Variants in EGFR observed in about 807,000 individuals in gnomAD.
EGFR encodes epidermal growth factor receptor, also known as avian erythroblastic leukemia viral (v-erb-b) oncogene homolog.
EGFR carries 58 observed loss-of-function variants against 143.0 expected under a neutral mutation model. That is an observed-to-expected ratio of 0.41 (90% CI 0.33 to 0.50). The LOEUF (loss-of-function observed/expected upper bound fraction) is 0.50. Among genes scored for constraint, EGFR ranks in the 20% least tolerant of loss-of-function variants. The probability of loss-of-function intolerance (pLI) is 0.39; values close to 1 mark genes in which losing one functional copy is unlikely to be tolerated. For synonymous variants in EGFR, 613 were observed against 594.4 expected (o/e 1.03, Z -0.45); for missense variants, 1,307 against 1,579.0 (o/e 0.83, Z 2.92).
intron 1 of EGFR, among the ~76,000 whole-genome samples, chr7:55,136,606 A>G (rs1344045781): frequency 4.6e-5 from 7 of 152,250 alleles, no homozygotes; most frequent in African/African-American, 1.7e-4. Context: ...GACACTCCCC[A>G]GCTTACTACA....
chr7:55,174,293 C>T (rs1786492181), intron 18 of EGFR, among the ~76,000 whole-genome samples: 2 of 152,246 alleles, frequency 1.3e-5, no homozygotes, highest in South Asian at 2.1e-4. Context: ...ATTGACCTTG[C>T]CATGGGGTGC....
chr7:55,089,763 C>T (rs1214908419), intron 1 of EGFR, among the ~76,000 whole-genome samples: 1 of 152,090 alleles, frequency 6.6e-6, no homozygotes, highest in East Asian at 1.9e-4. Context: ...CTCACCTTTC[C>T]CTAACCTGCC....
intron 20 of EGFR, among the ~76,000 whole-genome samples, chr7:55,183,900 A>G (rs13222385): frequency 0.29 from 43,481 of 151,960 alleles, 7,522 homozygotes; most frequent in Non-Finnish European, 0.38. Flanking sequence ...TCTCCCAGTA[A>G]CCCCCAGCTC....
At chr7:55,085,463 C>G (rs1462874308) in intron 1 of EGFR, among the ~76,000 whole-genome samples, 1 of 152,194 alleles carries the variant, frequency 6.6e-6, no homozygotes, top group Non-Finnish European at 1.5e-5. Context: ...ACTGTGCACG[C>G]CCTCTTGTAG....
intron 3 of EGFR, among the ~76,000 whole-genome samples, chr7:55,144,731 C>T (rs1011664314): frequency 6.6e-6 from 1 of 152,132 alleles, no homozygotes; most frequent in Non-Finnish European, 1.5e-5. Flanking sequence ...GCGCCTCACA[C>T]GCTGTCTCGG....
chr7:55,152,894 A>G (rs1407242720), intron 6 of EGFR, among the ~76,000 whole-genome samples: 3 of 152,202 alleles, frequency 2.0e-5, no homozygotes, highest in East Asian at 1.9e-4. Context: ...TTACCTGACA[A>G]TGATGCATAA....
chr7:55,201,815 C>T (rs2128972606), intron 26 of EGFR, 33 bp downstream of exon 26: 1 of 1,607,364 alleles, frequency 6.2e-7, no homozygotes, highest in East Asian at 2.2e-5. Flanking sequence ...CCAGAATTTA[C>T]AGCTCTCCAC....
chr7:55,027,955 T>C (rs1786991028), intron 1 of EGFR, among the ~76,000 whole-genome samples: 1 of 137,932 alleles, frequency 7.2e-6, no homozygotes, highest in South Asian at 2.4e-4. Flanking sequence ...GACATTACCT[T>C]GTATATTCAT....
intron 1 of EGFR, among the ~76,000 whole-genome samples, chr7:55,034,102 C>A (rs1787420333): frequency 6.6e-6 from 1 of 152,136 alleles, no homozygotes; most frequent in Non-Finnish European, 1.5e-5. Context: ...GGTGCCTGGA[C>A]CATCTTGTGA....
At chr7:55,073,282 A>G (rs2128885073) in intron 1 of EGFR, among the ~76,000 whole-genome samples, 1 of 152,362 alleles carries the variant, frequency 6.6e-6, no homozygotes, top group African/African-American at 2.4e-5. Context: ...GCTGCCTTGC[A>G]CAAGTTATCA....
chr7:55,145,406 C>A (rs1159266622), intron 3 of EGFR, among the ~76,000 whole-genome samples: 1 of 152,204 alleles, frequency 6.6e-6, no homozygotes, highest in Non-Finnish European at 1.5e-5. Context: ...GCCCTTATGA[C>A]CCCAAGCTTC....
chr7:55,084,371 G>T (rs1406171120), intron 1 of EGFR, among the ~76,000 whole-genome samples: 1 of 152,190 alleles, frequency 6.6e-6, no homozygotes, highest in Non-Finnish European at 1.5e-5. Context: ...CAGGCCCAGT[G>T]GGAAAGCATG....
chr7:55,019,427 C>A (rs1583836750), intron 1 of EGFR, 62 bp downstream of exon 1: 6 of 1,095,404 alleles, frequency 5.5e-6, no homozygotes, highest in Non-Finnish European at 5.8e-6. Context: ...CCCCGCAGCC[C>A]GCCCAACCGC....
chr7:55,050,687 C>A (rs1443357568), intron 1 of EGFR, among the ~76,000 whole-genome samples: 1 of 152,222 alleles, frequency 6.6e-6, no homozygotes, highest in East Asian at 1.9e-4. Context: ...CCTGCTCAGT[C>A]TTCTTGCTTG....
At chr7:55,087,027 A>G (rs1400669159) in intron 1 of EGFR, among the ~76,000 whole-genome samples, 1 of 152,138 alleles carries the variant, frequency 6.6e-6, no homozygotes, top group Non-Finnish European at 1.5e-5. Context: ...ATAATGGCCC[A>G]TTATCTACTG....
At chr7:55,046,119 C>A in intron 1 of EGFR, among the ~76,000 whole-genome samples, 1 of 152,130 alleles carries the variant, frequency 6.6e-6, no homozygotes, top group Admixed American at 6.5e-5. Context: ...TTCTATTGGA[C>A]AGCAGCGCTC....
In EGFR at chr7:55,143,421, A is replaced by T. The variant is rs1794579810; in HGVS notation, c.357A>T (p.Leu119Phe). 1.9e-6 allele frequency: 3 copies of T among 1,614,238 alleles called. No individual in the cohort carries two copies. Among genetic ancestry groups the T allele is most frequent in the Non-Finnish European group, 2.5e-6 (3 of 1,180,050 alleles). ...TGTACTACGAAAATTCCTATGCCTT[A>T]GCAGTCTTATCTAACTATGATGCAA... is the stretch of plus-strand genomic sequence containing the variant. ...GNMYYENSYA[L>F]AVLSNYDANK... The change falls in exon 3 of 28, where the codon TTA becomes TTT. Residue 119 changes from leucine to phenylalanine, a missense_variant. Transcript: ENST00000275493.
chr7:55,191,164 A>G (rs1325905467), intron 20 of EGFR, among the ~76,000 whole-genome samples: 2 of 152,146 alleles, frequency 1.3e-5, no homozygotes, highest in African/African-American at 4.8e-5. Flanking sequence ...GGTGTCTTCT[A>G]AAAGCATTTT....
chr7:55,082,947 G>A (rs546117019), intron 1 of EGFR, among the ~76,000 whole-genome samples: 9 of 152,216 alleles, frequency 5.9e-5, no homozygotes, highest in African/African-American at 1.4e-4. Context: ...GCAAAACTCC[G>A]ATCTCCACCT....
Sources: gnomAD v4.1 joint callset for allele counts (sites outside exome capture counted in the v4.1 genomes callset) on GRCh38, gnomAD v4.1.1 for gene constraint, MANE v1.5 for transcripts, NCBI Gene and HGNC (gene_info 2026-07-23, HGNC 2026-07-21) for gene names.